The following DMXL2 variants were observed in gnomAD, a reference collection of about 807,000 sequenced individuals.
DMXL2 encodes the protein dmX-like protein 2.
A neutral mutation model predicts 331.1 loss-of-function variants in DMXL2; 103 were observed. The observed-to-expected ratio is 0.31, with a 90% CI of 0.27 to 0.37. DMXL2 has a LOEUF of 0.37. DMXL2 is among the 10% of genes least tolerant of loss of function. The pLI is 1.00. For synonymous variants in DMXL2, 1,281 were observed against 1,252.1 expected (o/e 1.02, Z -0.49); for missense variants, 3,171 against 3,642.9 (o/e 0.87, Z 3.33).
chr15:51,600,239 T>C (rs2053133145), intron 1 of DMXL2, among the ~76,000 whole-genome samples: 1 of 152,186 alleles, frequency 6.6e-6, no homozygotes, highest in South Asian at 2.1e-4. Flanking sequence ...ATGTGGTCAA[T>C]CAAGATACCT....
intron 8 of DMXL2, among the ~76,000 whole-genome samples, chr15:51,544,865 T>C (rs2048805362): frequency 6.6e-6 from 1 of 152,122 alleles, no homozygotes; most frequent in African/African-American, 2.4e-5. Context: ...AGAATAAGCA[T>C]ACAGTATTTG....
At chr15:51,602,943 G>C (rs1224873118) in intron 1 of DMXL2, among the ~76,000 whole-genome samples, 1 of 152,164 alleles carries the variant, frequency 6.6e-6, no homozygotes, top group Non-Finnish European at 1.5e-5. Context: ...ATCTCAACTT[G>C]CAAGAGAAGA....
intron 1 of DMXL2, among the ~76,000 whole-genome samples, chr15:51,621,871 G>C (rs2054651724): frequency 6.6e-6 from 1 of 152,084 alleles, no homozygotes; most frequent in African/African-American, 2.4e-5. Flanking sequence ...AATCTTTCGG[G>C]CGCGGAGGAT....
At chr15:51,459,754 C>G in intron 33 of DMXL2, 94 bp from the exon 34 acceptor site, 1 of 1,260,252 alleles carries the variant, frequency 7.9e-7, no homozygotes, top group Non-Finnish European at 1.0e-6. Flanking sequence ...GGCCACTCCA[C>G]CACTTAAAGA....
chr15:51,599,225 T>C (rs1283386606), intron 1 of DMXL2, among the ~76,000 whole-genome samples: 1 of 152,148 alleles, frequency 6.6e-6, no homozygotes, highest in Non-Finnish European at 1.5e-5. Flanking sequence ...AAATTCCAGA[T>C]TCATCTCATT....
intron 1 of DMXL2, 24 bp from the exon 2 acceptor site, chr15:51,576,205 T>TAAAAAAAAAAAAAAAAAAAA (rs1209300859): frequency 1.4e-6 from 1 of 693,282 alleles, no homozygotes; most frequent in African/African-American, 3.8e-5. Flanking sequence ...AAAAAAAAAG[T>TAAAAAAAAAAAAAAAAAAAA]TTTACAATAC....
chr15:51,538,775 A>T (rs74013287), intron 9 of DMXL2, among the ~76,000 whole-genome samples: 2,335 of 152,274 alleles, frequency 0.015, 64 homozygotes, highest in African/African-American at 0.054. Flanking sequence ...TTTAAATATG[A>T]ACTGGATATT....
chr15:51,506,620 A>G (rs2046416659), intron 16 of DMXL2, among the ~76,000 whole-genome samples: 1 of 151,604 alleles, frequency 6.6e-6, no homozygotes, highest in Non-Finnish European at 1.5e-5. Flanking sequence ...CGCCCGGCTA[A>G]TTTTTTGTAT....
chr15:51,526,201 G>A (rs1449937144), intron 13 of DMXL2, among the ~76,000 whole-genome samples: 2 of 150,586 alleles, frequency 1.3e-5, no homozygotes, highest in Non-Finnish European at 3.0e-5. Context: ...GAGAGAGAGG[G>A]AGAGAGAGAA....
At chr15:51,552,329 T>C (rs2049273838) in intron 6 of DMXL2, among the ~76,000 whole-genome samples, 1 of 152,122 alleles carries the variant, frequency 6.6e-6, no homozygotes, top group South Asian at 2.1e-4. Context: ...TTGCAGGACA[T>C]CACTTAAGAG....
chr15:51,538,457 G>T lies in DMXL2; in HGVS notation c.1106-5C>A. ...CAACCAAGACATTTGGAATATCTGT[G>T]GAAATAAAAGAGATTTCAATATAAT... On this transcript the variant is annotated splice_region_variant and splice_polypyrimidine_tract_variant and intron_variant, in intron 9 of 43. Transcript: ENST00000560891. 3 of 1,560,126 alleles carry T rather than the reference G, an allele frequency of 1.9e-6. No individual in the cohort carries two copies. The highest frequency in any genetic ancestry group is 1.2e-5 in the South Asian group (1 of 81,906).
intron 16 of DMXL2, among the ~76,000 whole-genome samples, chr15:51,504,903 C>A (rs1797109424): frequency 6.6e-6 from 1 of 152,000 alleles, no homozygotes; most frequent in Non-Finnish European, 1.5e-5. Flanking sequence ...ATATCTCATG[C>A]TAAGAAAGAA....
intron 9 of DMXL2, 39 bp downstream of exon 9, chr15:51,542,294 C>A: frequency 1.3e-6 from 2 of 1,579,124 alleles, no homozygotes; most frequent in Admixed American, 1.8e-5. Flanking sequence ...ATTTACCTGA[C>A]TTCAACATAT....
rs2038811839 is a variant in DMXL2, at chr15:51,447,808, ATTTTTCT to A, written c.*1169_*1175del. 6.6e-6 allele frequency: 1 copy of A among 152,612 alleles called. No individual in the cohort carries two copies. The highest frequency in any genetic ancestry group is 1.5e-5 in the Non-Finnish European group (1 of 68,022). 9.5% of individuals were successfully genotyped at this position (152,612 alleles called of 1,614,324 possible). ...CTAAAAACTCTAACAAATAACATTT[ATTTTTCT>A]TTTACATATATATTTCACAGCCTGA... is the stretch of plus-strand genomic sequence containing the variant. On this transcript the variant is annotated 3_prime_UTR_variant, in exon 44 of 44. Coordinates refer to ENST00000560891, the MANE Select transcript of DMXL2 (RefSeq NM_001378457.1).
chr15:51,614,447 A>T (rs1246361893), intron 1 of DMXL2, among the ~76,000 whole-genome samples: 1 of 152,206 alleles, frequency 6.6e-6, no homozygotes, highest in African/African-American at 2.4e-5. Context: ...CCACTGAGGA[A>T]AATTTGAGAA....
intron 9 of DMXL2, among the ~76,000 whole-genome samples, chr15:51,541,773 T>C (rs2048610843): frequency 6.6e-6 from 1 of 152,126 alleles, no homozygotes. Context: ...TGCCTTTAAA[T>C]AGAAGCTCTC....
intron 6 of DMXL2, among the ~76,000 whole-genome samples, chr15:51,554,244 T>G (rs1267277925): frequency 1.3e-5 from 2 of 152,202 alleles, no homozygotes; most frequent in Non-Finnish European, 2.9e-5. Flanking sequence ...ATGGATTTGT[T>G]AAGTCAAAGG....
chr15:51,507,597 T>C (rs2046485320), intron 15 of DMXL2, among the ~76,000 whole-genome samples: 1 of 151,644 alleles, frequency 6.6e-6, no homozygotes. Flanking sequence ...AAAGGGTACA[T>C]AAAAAAGAAA....
intron 13 of DMXL2, among the ~76,000 whole-genome samples, chr15:51,523,563 AAG>A (rs1184588980): frequency 6.6e-6 from 1 of 152,244 alleles, no homozygotes; most frequent in Non-Finnish European, 1.5e-5. Flanking sequence ...AGTTTAAAAA[AAG>A]GTCACACTGG....
Sources: allele counts gnomAD v4.1 joint callset (sites outside exome capture counted in the v4.1 genomes callset), GRCh38; gene constraint gnomAD v4.1.1; transcripts MANE v1.5; gene names NCBI Gene and HGNC (gene_info 2026-07-23, HGNC 2026-07-21).